KMT2C: variants seen among roughly 807,000 people sequenced by gnomAD.
The protein encoded by KMT2C is histone-lysine N-methyltransferase 2C.
A neutral mutation model predicts 507.9 loss-of-function variants in KMT2C; 88 were observed. The observed-to-expected ratio is 0.17, with a 90% CI of 0.15 to 0.21. The LOEUF (loss-of-function observed/expected upper bound fraction) is 0.21. KMT2C is among the 10% of genes least tolerant of loss of function. The probability of loss-of-function intolerance (pLI) is 1.00; values close to 1 mark genes in which losing one functional copy is unlikely to be tolerated. For synonymous variants in KMT2C, 2,049 were observed against 2,080.8 expected (o/e 0.98, Z 0.42); for missense variants, 4,954 against 5,957.8 (o/e 0.83, Z 5.55).
intron 37 of KMT2C, among the ~76,000 whole-genome samples, chr7:152,178,591 C>A (rs1273243239): frequency 6.6e-6 from 1 of 151,898 alleles, no homozygotes; most frequent in Non-Finnish European, 1.5e-5. Flanking sequence ...TCCTTCTAGA[C>A]AGGATTACAG....
rs1342954023 is a variant in KMT2C, at chr7:152,148,341, C to T, written c.13586G>A (p.Arg4529His). 2.5e-6 allele frequency: 4 copies of T among 1,614,270 alleles called. No individual in the cohort carries two copies. Among genetic ancestry groups the T allele is most frequent in the Non-Finnish European group, 3.4e-6 (4 of 1,180,050 alleles). The change falls in exon 52 of 59, where the codon CGT becomes CAT. Residue 4529 changes from arginine (R) to histidine (H), a missense_variant. Transcript: ENST00000262189. The surrounding 1 kb of genome is among the most constrained non-coding windows in gnomAD (Gnocchi z 7.1). Reference protein sequence around the residue: ...FAVFRRVYVQRDEVRQIASIV... With the variant: ...FAVFRRVYVQHDEVRQIASIV... Reference sequence around the variant, plus strand: ...GCTAGCAATCTGTCGCACCTCATCACGCTGAACATAGACCCTCCTGAAGAC... The same window carrying T: ...GCTAGCAATCTGTCGCACCTCATCATGCTGAACATAGACCCTCCTGAAGAC...
At chr7:152,196,150 A>C (rs1390908856) in intron 27 of KMT2C, 139 bp from the exon 28 acceptor site, 5 of 457,082 alleles carry the variant, frequency 1.1e-5, no homozygotes, top group African/African-American at 1.0e-4. Flanking sequence ...TTTACAGTAA[A>C]AATTTTCCAT....
chr7:152,308,357 C>T (rs1720138349), intron 6 of KMT2C, among the ~76,000 whole-genome samples: 1 of 152,070 alleles, frequency 6.6e-6, no homozygotes, highest in African/African-American at 2.4e-5. Context: ...GAAGGGCTGT[C>T]TCACTTCTCC....
intron 1 of KMT2C, among the ~76,000 whole-genome samples, chr7:152,414,240 A>G (rs1366262782): frequency 1.3e-5 from 2 of 151,046 alleles, no homozygotes; most frequent in Non-Finnish European, 3.0e-5. Flanking sequence ...ATGAAACACA[A>G]AAAGCTGGGT....
chr7:152,348,884 T>C (rs2097087048), intron 2 of KMT2C, among the ~76,000 whole-genome samples: 1 of 152,206 alleles, frequency 6.6e-6, no homozygotes, highest in African/African-American at 2.4e-5. Context: ...ACAGCCACTT[T>C]GGAAGACAGC....
At chr7:152,262,930 T>C (rs574654677) in intron 9 of KMT2C, 86 bp downstream of exon 9, 2 of 918,016 alleles carry the variant, frequency 2.2e-6, no homozygotes, top group South Asian at 1.7e-5. Flanking sequence ...GGTGATGATG[T>C]ACAGATTTGA....
At chr7:152,296,445 A>AAGAGAGAGAG (rs367694956) in intron 6 of KMT2C, among the ~76,000 whole-genome samples, 1 of 149,498 alleles carries the variant, frequency 6.7e-6, no homozygotes, top group African/African-American at 2.5e-5. Context: ...AAAAAAAAAA[A>AAGAGAGAGAG]AGAGAGAGAG....
chr7:152,260,489 T>A (rs199905502), intron 9 of KMT2C, among the ~76,000 whole-genome samples: 6 of 152,064 alleles, frequency 3.9e-5, no homozygotes, highest in Admixed American at 2.6e-4. Context: ...TATATTTTTT[T>A]AAAAAGGTGC....
intron 1 of KMT2C, among the ~76,000 whole-genome samples, chr7:152,422,326 A>AT (rs2097782197): frequency 6.6e-6 from 1 of 151,150 alleles, no homozygotes; most frequent in South Asian, 2.1e-4. Context: ...GTGGTGGCAG[A>AT]TGCCTGTAAT....
At chr7:152,418,203 G>A (rs2116717270) in intron 1 of KMT2C, among the ~76,000 whole-genome samples, 1 of 152,174 alleles carries the variant, frequency 6.6e-6, no homozygotes, top group South Asian at 2.1e-4. Flanking sequence ...GCCTCCCAAA[G>A]TGCTGGGATT....
intron 38 of KMT2C, among the ~76,000 whole-genome samples, chr7:152,175,880 T>G (rs1240228885): frequency 6.6e-6 from 1 of 152,042 alleles, no homozygotes; most frequent in Admixed American, 6.6e-5. Flanking sequence ...GCACCTCTAC[T>G]AAAAATACAA....
chr7:152,253,514 C>CAA (rs71198770), intron 9 of KMT2C, among the ~76,000 whole-genome samples: 4,883 of 39,478 alleles, frequency 0.12, 617 homozygotes, highest in Middle Eastern at 0.18. Context: ...TCTTTCTCTA[C>CAA]AAAAAAAAAA....
chr7:152,173,370 T>C (rs950024753), intron 39 of KMT2C, among the ~76,000 whole-genome samples: 7 of 152,236 alleles, frequency 4.6e-5, no homozygotes, highest in South Asian at 2.1e-4. Context: ...CATATAGTAA[T>C]ACACGTAAGA....
chr7:152,220,596 G>A lies in KMT2C; in HGVS notation c.3639C>T (p.Ser1213=), dbSNP rs761630870. ...KLKLKIINQN[S]VAVLQTPPDI... Reference sequence around the variant, plus strand: ...CTGGAGGGGTCTGAAGGACGGCCACGCTATTCTGATTTATAATCTTCAATT... The same window carrying A: ...CTGGAGGGGTCTGAAGGACGGCCACACTATTCTGATTTATAATCTTCAATT... The change falls in exon 23 of 59, where the codon AGC becomes AGT. Residue 1213 remains serine (S), a synonymous_variant. Coordinates refer to ENST00000262189, the MANE Select transcript of KMT2C (RefSeq NM_170606.3). 3.6e-5 allele frequency: 58 copies of A among 1,611,682 alleles called. No individual in the cohort carries two copies. The highest frequency in any genetic ancestry group is 2.2e-4 in the Middle Eastern group (1 of 4,450).
At chr7:152,325,049 A>T (rs1186199057) in intron 3 of KMT2C, among the ~76,000 whole-genome samples, 1 of 151,934 alleles carries the variant, frequency 6.6e-6, no homozygotes, top group Non-Finnish European at 1.5e-5. Flanking sequence ...TTTGTTAGTT[A>T]TATGCTTTAG....
At chr7:152,389,546 T>C (rs941067186) in intron 1 of KMT2C, among the ~76,000 whole-genome samples, 1 of 152,070 alleles carries the variant, frequency 6.6e-6, no homozygotes, top group Non-Finnish European at 1.5e-5. Flanking sequence ...CCTCGAACTC[T>C]TGGCCTCAAG....
intron 41 of KMT2C, among the ~76,000 whole-genome samples, chr7:152,167,869 T>C (rs2092800281): frequency 6.6e-6 from 1 of 152,130 alleles, no homozygotes. Flanking sequence ...TGAAAAAATA[T>C]CCTAAACAGA....
rs1391068466 is a variant in KMT2C, at chr7:152,176,549, G to A, written c.8904C>T (p.Ala2968=). The stretch of plus-strand genomic sequence containing the variant: ...AGACTACTGTCACATTAGAATTCAT[G>A]GCATTATCCAAAACACGGCCAGGCG... The part of the protein sequence containing the change: ...IAPPGRVLDN[A]MNSNVTVVSR... The change falls in exon 38 of 59, where the codon GCC becomes GCT. Residue 2968 remains alanine, a synonymous_variant. Transcript: ENST00000262189. The A allele has an allele frequency of 1.9e-6, 3 of 1,614,138 alleles. No homozygotes were observed. Among genetic ancestry groups the A allele is most frequent in the Middle Eastern group, 1.6e-4 (1 of 6,062 alleles).
intron 42 of KMT2C, 62 bp from the exon 43 acceptor site, chr7:152,163,888 T>C: frequency 2.0e-6 from 3 of 1,498,680 alleles, no homozygotes; most frequent in South Asian, 1.1e-5. Flanking sequence ...AGTAAAACAC[T>C]GGCTGATGAC....
Sources: allele counts gnomAD v4.1 joint callset (sites outside exome capture counted in the v4.1 genomes callset), GRCh38; gene constraint gnomAD v4.1.1; non-coding constraint Gnocchi (gnomAD v3.1); transcripts MANE v1.5; gene names NCBI Gene and HGNC (gene_info 2026-07-23, HGNC 2026-07-21).